WASF2: variants seen among roughly 807,000 people sequenced by gnomAD.
WASF2 encodes the protein actin-binding protein WASF2.
A neutral mutation model predicts 45.0 loss-of-function variants in WASF2; 14 were observed. That is an observed-to-expected ratio of 0.31 (90% confidence interval 0.21 to 0.49). The LOEUF is 0.49. Ranked by LOEUF, WASF2 falls within the 20% of genes least tolerant of loss-of-function variation. The pLI is 0.99. For missense variants in WASF2, 439 were observed against 636.1 expected, an observed-to-expected ratio of 0.69 and a Z score of 3.33; for synonymous variants, 200 against 236.3, an observed-to-expected ratio of 0.85 and a Z score of 1.41.
At chr1:27,432,822 G>A (rs2017084774) in intron 1 of WASF2, among the ~76,000 whole-genome samples, 1 of 152,022 alleles carries the variant, frequency 6.6e-6, no homozygotes, top group Non-Finnish European at 1.5e-5. Context: ...GGAGTGCAGT[G>A]GCATGATCAT....
intron 1 of WASF2, among the ~76,000 whole-genome samples, chr1:27,456,684 G>A (rs981901394): frequency 1.3e-5 from 2 of 151,494 alleles, no homozygotes; most frequent in African/African-American, 4.8e-5. Context: ...GCTTTCCTCT[G>A]GAAGAAGTTA....
At chr1:27,463,779 A>G (rs2017579447) in intron 1 of WASF2, among the ~76,000 whole-genome samples, 1 of 150,096 alleles carries the variant, frequency 6.7e-6, no homozygotes, top group Non-Finnish European at 1.5e-5. Context: ...ATATATTAAC[A>G]TGCCTCCTTT....
At chr1:27,432,673 AG>A in intron 1 of WASF2, among the ~76,000 whole-genome samples, 3 of 148,270 alleles carry the variant, frequency 2.0e-5, no homozygotes, top group African/African-American at 7.5e-5. Flanking sequence ...AAAAAAAAAG[AG>A]GCAGTTATTT....
rs563337014 is a variant in WASF2 at position 27,417,210 on chromosome 1, T to C, written c.419+1059A>G. On this transcript the variant is annotated intron_variant, in intron 4 of 8. Transcript: ENST00000618852. ...ATGCAATCCCACCACACAAACCCTATGTTATACTCGCTACAATATTATCAG... is the reference window on the plus strand; with the variant it reads ...ATGCAATCCCACCACACAAACCCTACGTTATACTCGCTACAATATTATCAG... Among the ~76,000 whole-genome samples, 8 of 152,324 alleles carry C rather than the reference T, an allele frequency of 5.3e-5. No homozygotes were observed. The East Asian group carries it at 7.7e-4, about 15-fold the overall frequency.
intron 1 of WASF2, among the ~76,000 whole-genome samples, chr1:27,482,839 C>T (rs1360955261): frequency 6.6e-6 from 1 of 152,126 alleles, no homozygotes; most frequent in Non-Finnish European, 1.5e-5. Context: ...TATTGCTCCA[C>T]CACTCCTACC....
chr1:27,487,778 A>G (rs2148149627), intron 1 of WASF2, among the ~76,000 whole-genome samples: 1 of 134,724 alleles, frequency 7.4e-6, no homozygotes, highest in South Asian at 2.2e-4. Flanking sequence ...TTATATATTT[A>G]TTTTATATTC....
intron 1 of WASF2, among the ~76,000 whole-genome samples, chr1:27,441,916 C>T (rs1320580004): frequency 7.0e-6 from 1 of 142,990 alleles, no homozygotes; most frequent in Non-Finnish European, 1.5e-5. Flanking sequence ...CACAACGAGA[C>T]TCCATCTCAA....
At chr1:27,477,322 G>A (rs984343474) in intron 1 of WASF2, among the ~76,000 whole-genome samples, 1 of 151,710 alleles carries the variant, frequency 6.6e-6, no homozygotes, top group Non-Finnish European at 1.5e-5. Flanking sequence ...GGCAGATCAC[G>A]TGAGGCCAGG....
chr1:27,442,860 G>A (rs190485820), intron 1 of WASF2, among the ~76,000 whole-genome samples: 1 of 151,872 alleles, frequency 6.6e-6, no homozygotes, highest in East Asian at 1.9e-4. Flanking sequence ...AATTAGCCAA[G>A]TGTGGTGGCA....
chr1:27,418,296 G>A lies in WASF2; in HGVS notation c.392C>T (p.Pro131Leu). Residue 131 changes from proline (P) to leucine (L), a missense_variant, in exon 4 of 9, where the codon CCC (proline) becomes CTC (leucine). Pro to Leu is a moderately conservative substitution (Grantham distance 98, BLOSUM62 -3). Transcript: ENST00000618852. ...LETYNTCDTPPPLNNLTPYRD... is the reference protein window; with the variant it reads ...LETYNTCDTPLPLNNLTPYRD... Reference sequence around the variant, plus strand: ...GTAAGGGGTAAGATTGTTGAGAGGGGGAGGAGTATCACAGGTATTGTATGT... The same window carrying A: ...GTAAGGGGTAAGATTGTTGAGAGGGAGAGGAGTATCACAGGTATTGTATGT... 6.2e-7 allele frequency: 1 copy of A among 1,614,172 alleles called. No homozygotes were observed. Among genetic ancestry groups the A allele is most frequent in the Non-Finnish European group, 8.5e-7 (1 of 1,180,008 alleles).
chr1:27,471,505 G>C (rs990351657), intron 1 of WASF2, among the ~76,000 whole-genome samples: 2 of 152,018 alleles, frequency 1.3e-5, no homozygotes, highest in Non-Finnish European at 2.9e-5. Flanking sequence ...GTGTACATCT[G>C]TGGTCCCAGC....
chr1:27,475,354 T>C (rs2017752221), intron 1 of WASF2, among the ~76,000 whole-genome samples: 1 of 152,214 alleles, frequency 6.6e-6, no homozygotes, highest in Non-Finnish European at 1.5e-5. Flanking sequence ...CGTTCACTAA[T>C]ACATAGCCAT....
intron 1 of WASF2, among the ~76,000 whole-genome samples, chr1:27,440,018 C>T (rs921916069): frequency 3.3e-5 from 5 of 151,916 alleles, no homozygotes; most frequent in Non-Finnish European, 7.4e-5. Flanking sequence ...CAAAAGTAAA[C>T]AAAACAAAAC....
intron 1 of WASF2, among the ~76,000 whole-genome samples, chr1:27,483,879 C>A (rs947580136): frequency 2.6e-5 from 4 of 151,622 alleles, no homozygotes; most frequent in African/African-American, 9.7e-5. Context: ...CTGCTTGAGC[C>A]TAGGAGGTTG....
chr1:27,476,101 C>T (rs994216827), intron 1 of WASF2, among the ~76,000 whole-genome samples: 2 of 152,202 alleles, frequency 1.3e-5, no homozygotes, highest in Non-Finnish European at 2.9e-5. Context: ...CAATACTAGG[C>T]ATTATCCTAT....
At chr1:27,422,618 C>CA (rs782035111) in intron 2 of WASF2, among the ~76,000 whole-genome samples, 113,764 of 128,762 alleles carry the variant, frequency 0.88, 51,264 homozygotes, top group Non-Finnish European at 0.98. Flanking sequence ...GACTCCGTCT[C>CA]AAAAAAAAAA....
chr1:27,465,456 C>G (rs1209436059), intron 1 of WASF2, among the ~76,000 whole-genome samples: 1 of 152,182 alleles, frequency 6.6e-6, no homozygotes, highest in Non-Finnish European at 1.5e-5. Flanking sequence ...TGTATGAACT[C>G]AAAGTAACAG....
Position 27,412,593 on chromosome 1 carries a change from G to A in WASF2, c.803C>T (p.Pro268Leu). 1 of 1,614,204 alleles carries A rather than the reference G, an allele frequency of 6.2e-7. No individual in the cohort carries two copies. Residue 268 changes from proline (P) to leucine (L), a missense_variant, in exon 7 of 9, where the codon CCT becomes CTT. Physicochemically the swap from Pro to Leu is moderately conservative, Grantham distance 98. Transcript: ENST00000618852. ...PSPSFSEDNL[P>L]PPPAEFSYPV... The stretch of plus-strand genomic sequence containing the variant: ...TTACCTGAATTCTGCTGGTGGAGGA[G>A]GCAAGTTGTCCTCGGAGAAGGAAGG...
chr1:27,405,479 C>G lies in WASF2; in HGVS notation c.*2710G>C, dbSNP rs2016655742. On this transcript the variant is annotated 3_prime_UTR_variant, in exon 9 of 9. Coordinates refer to ENST00000618852, the MANE Select transcript of WASF2 (RefSeq NM_006990.5). ...TATGGGCCATTGTTCCATACTCTCA[C>G]TAGCTTAGGCCCAGATTAAATAATC... The G allele has an allele frequency of 6.6e-6, 1 of 152,136 alleles. No homozygotes were observed. The highest frequency in any genetic ancestry group is 1.5e-5 in the Non-Finnish European group (1 of 68,028). 9.4% of individuals were successfully genotyped at this position (152,136 alleles called of 1,614,324 possible).
Sources: allele counts gnomAD v4.1 joint callset (sites outside exome capture counted in the v4.1 genomes callset), GRCh38; gene constraint gnomAD v4.1.1; transcripts MANE v1.5; gene names NCBI Gene and HGNC (gene_info 2026-07-23, HGNC 2026-07-21).